Variants in ATP2B4 observed in about 807,000 individuals in gnomAD.
The protein encoded by ATP2B4 is ATPase plasma membrane Ca2+ transporting 4, also known as plasma membrane calcium-transporting ATPase 4.
A neutral mutation model predicts 110.3 loss-of-function variants in ATP2B4; 39 were observed. That is an observed-to-expected ratio of 0.35 (90% CI 0.27 to 0.46). The LOEUF is 0.46. ATP2B4 is among the 20% of genes least tolerant of loss of function. The pLI, the probability that ATP2B4 is intolerant of heterozygous loss-of-function variation, is 1.00. For missense variants in ATP2B4, 1,135 were observed against 1,530.9 expected, an observed-to-expected ratio of 0.74 and a Z score of 4.32; for synonymous variants, 538 against 571.7, an observed-to-expected ratio of 0.94 and a Z score of 0.84.
chr1:203,733,255 C>T (rs1399396257), intron 20 of ATP2B4: 5 of 1,613,298 alleles, frequency 3.1e-6, no homozygotes, highest in Admixed American at 1.7e-5. Context: ...AGACGGGAGC[C>T]TCTTTTAAGG....
chr1:203,675,024 T>C (rs146589769), intron 1 of ATP2B4, among the ~76,000 whole-genome samples: 9 of 152,330 alleles, frequency 5.9e-5, no homozygotes, highest in African/African-American at 1.9e-4. Context: ...TTAATAATAC[T>C]GATGCCATTT....
At chr1:203,655,902 G>T (rs28375753) in intron 1 of ATP2B4, among the ~76,000 whole-genome samples, 144,295 of 152,030 alleles carry the variant, frequency 0.95, 68,937 homozygotes, top group East Asian at 1. Flanking sequence ...TTAGCGTTGT[G>T]TTTTGTTTTG....
At chr1:203,663,560 G>A (rs1460520682) in intron 1 of ATP2B4, among the ~76,000 whole-genome samples, 1 of 151,876 alleles carries the variant, frequency 6.6e-6, no homozygotes, top group Non-Finnish European at 1.5e-5. Context: ...CAATGTCCTG[G>A]GTTGGGCCTA....
At chr1:203,707,699 G>A (rs551081068) in intron 9 of ATP2B4, among the ~76,000 whole-genome samples, 163 bp from the exon 10 acceptor site, 1 of 152,260 alleles carries the variant, frequency 6.6e-6, no homozygotes, top group South Asian at 2.1e-4. Context: ...CCGAAGTACT[G>A]AAATTACAGG....
At chr1:203,728,501 A>T (rs769424011) in intron 20 of ATP2B4, among the ~76,000 whole-genome samples, 28 of 152,308 alleles carry the variant, frequency 1.8e-4, no homozygotes, top group Admixed American at 1.4e-3. Flanking sequence ...CTCTCTGCTG[A>T]TTGGCTAGAG....
chr1:203,693,867 G>A (rs558441851), intron 2 of ATP2B4, among the ~76,000 whole-genome samples: 18 of 152,260 alleles, frequency 1.2e-4, no homozygotes, highest in Middle Eastern at 3.4e-3. Context: ...GCTAAAACCT[G>A]GCAAGTCCTA....
intron 1 of ATP2B4, chr1:203,657,527 GGT>G (rs1434939303): frequency 1.2e-6 from 1 of 800,566 alleles, no homozygotes; most frequent in Non-Finnish European, 2.2e-6. Flanking sequence ...TCTTTTGTTT[GGT>G]GTTTCTCTTT....
At chr1:203,735,533 A>G (rs1666857271) in intron 20 of ATP2B4, among the ~76,000 whole-genome samples, 1 of 152,056 alleles carries the variant, frequency 6.6e-6, no homozygotes, top group Non-Finnish European at 1.5e-5. Flanking sequence ...AAGAAAGAAC[A>G]GTTGCCTTGT....
intron 1 of ATP2B4, among the ~76,000 whole-genome samples, chr1:203,668,978 G>A (rs1207608097): frequency 6.6e-6 from 1 of 152,076 alleles, no homozygotes; most frequent in Non-Finnish European, 1.5e-5. Context: ...ATGGGGAGGT[G>A]GAAATAGTTT....
Position 203,651,469 on chromosome 1 carries a change from C to T in ATP2B4, c.-465+24250C>T, listed in dbSNP as rs921772172. ...ATTTGCATCCACCTATGACCCTTTCCTATCCCATCCCCCCACCTCATCACC... is the reference window on the plus strand; with the variant it reads ...ATTTGCATCCACCTATGACCCTTTCTTATCCCATCCCCCCACCTCATCACC... On this transcript the variant is annotated intron_variant, in intron 1 of 20. Coordinates refer to ENST00000357681, the MANE Select transcript of ATP2B4 (RefSeq NM_001684.5). 2.6e-5 allele frequency among the ~76,000 whole-genome samples: 4 copies of T among 152,314 alleles called. 1 individual carries two copies. In the South Asian group the frequency reaches 8.3e-4, roughly 32 times the overall value.
rs142690109 is a variant in ATP2B4 at position 203,677,121 on chromosome 1, A to G, written c.-464-5621A>G. Among the ~76,000 whole-genome samples the G allele has an allele frequency of 2.6e-3, 399 of 152,232 alleles. 1 individual carries two copies. The highest frequency in any genetic ancestry group is 4.9e-3 in the Non-Finnish European group (333 of 68,016). ...CTCTCTGAATCTATATTTCCCTGCT[A>G]TAAGAAGGAGAGGTCCTTCTTATAG... On this transcript the variant is annotated intron_variant, in intron 1 of 20. Coordinates refer to ENST00000357681, the MANE Select transcript of ATP2B4 (RefSeq NM_001684.5).
At chr1:203,656,232 G>A (rs1395945817) in intron 1 of ATP2B4, among the ~76,000 whole-genome samples, 3 of 152,142 alleles carry the variant, frequency 2.0e-5, no homozygotes, top group Non-Finnish European at 2.9e-5. Context: ...AATCAGTGCA[G>A]TCTTCTTTAT....
intron 2 of ATP2B4, among the ~76,000 whole-genome samples, chr1:203,689,487 G>A (rs1440322546): frequency 6.6e-6 from 1 of 152,224 alleles, no homozygotes; most frequent in Admixed American, 6.5e-5. Context: ...ATTATTAACT[G>A]TAGGCCTTCT....
intron 8 of ATP2B4, among the ~76,000 whole-genome samples, chr1:203,705,625 C>G (rs1665827569): frequency 1.3e-5 from 2 of 152,186 alleles, no homozygotes; most frequent in Non-Finnish European, 2.9e-5. Context: ...TGATCTGCCC[C>G]TGGACTCAAG....
chr1:203,677,313 A>G (rs1439214395), intron 1 of ATP2B4, among the ~76,000 whole-genome samples: 3 of 152,158 alleles, frequency 2.0e-5, no homozygotes, highest in East Asian at 1.9e-4. Context: ...GTAGGTGCTC[A>G]ACAAATATTT....
At chr1:203,719,225 G>GAAAAAAAAAAAAAAAAAAAAA (rs60841821) in intron 15 of ATP2B4, among the ~76,000 whole-genome samples, 10 of 54,406 alleles carry the variant, frequency 1.8e-4, no homozygotes, top group African/African-American at 7.5e-4. Context: ...ACCCTGTCTC[G>GAAAAAAAAAAAAAAAAAAAAA]AAAAAAAAAA....
At chr1:203,636,303 A>G (rs1663435398) in intron 1 of ATP2B4, among the ~76,000 whole-genome samples, 1 of 152,162 alleles carries the variant, frequency 6.6e-6, no homozygotes, top group Non-Finnish European at 1.5e-5. Context: ...CTGTCCTGTC[A>G]TTGACCCAAA....
intron 2 of ATP2B4, among the ~76,000 whole-genome samples, chr1:203,685,269 T>C (rs1250113259): frequency 6.6e-6 from 1 of 152,238 alleles, no homozygotes; most frequent in Non-Finnish European, 1.5e-5. Flanking sequence ...CTCATCAAAA[T>C]GTAGAAAGAA....
In ATP2B4 at chr1:203,712,123, G is replaced by A. The variant is rs773914510; in HGVS notation, c.2195G>A (p.Arg732His). 10 of 1,613,926 alleles carry A rather than the reference G, an allele frequency of 6.2e-6. No homozygotes were observed. The highest frequency in any genetic ancestry group is 3.3e-5 in the South Asian group (3 of 91,084). ...GGCAAAGAATTCAACCGGCTCATCC[G>A]CAACGAGAAAGGCGAGGTGGGTCCT... Reference protein sequence around the residue: ...LEGKEFNRLIRNEKGEVEQEK... With the variant: ...LEGKEFNRLIHNEKGEVEQEK... Residue 732 changes from arginine (R) to histidine (H), a missense_variant, in exon 13 of 21, where the codon CGC (arginine) becomes CAC (histidine). Around this residue, in one of 9 missense-constraint regions of ATP2B4, gnomAD observed 368 missense variants for 455.9 expected, o/e 0.81. Coordinates refer to ENST00000357681, the MANE Select transcript of ATP2B4 (RefSeq NM_001684.5).
Sources: allele counts gnomAD v4.1 joint callset (sites outside exome capture counted in the v4.1 genomes callset), GRCh38; gene constraint gnomAD v4.1.1; regional missense constraint gnomAD v4.1.1; transcripts MANE v1.5; gene names NCBI Gene and HGNC (gene_info 2026-07-23, HGNC 2026-07-21).